KRT6C: variants seen among roughly 807,000 people sequenced by gnomAD.
KRT6C encodes the protein keratin 6C, also known as keratin, type II cytoskeletal 6C.
In KRT6C, 46 loss-of-function variants were observed where a neutral mutation model predicts 49.4. That is an observed-to-expected ratio of 0.93 (90% CI 0.74 to 1.19). KRT6C has a LOEUF of 1.19. Ranked by LOEUF, KRT6C falls within the 50% of genes most tolerant of loss-of-function variation. The probability of loss-of-function intolerance (pLI) is 0.00; values close to 1 mark genes in which losing one functional copy is unlikely to be tolerated. For synonymous variants in KRT6C, 236 were observed against 297.1 expected (o/e 0.79, Z 2.12); for missense variants, 552 against 737.5 (o/e 0.75, Z 2.91).
At position 52,469,784 on chromosome 12, in the gene KRT6C, G is replaced by C; in HGVS notation, c.1310C>G (p.Ala437Gly). The change falls in exon 7 of 9, where the codon GCC becomes GGC. Residue 437 changes from alanine to glycine, a missense_variant. Coordinates refer to ENST00000252250, the MANE Select transcript of KRT6C (RefSeq NM_173086.5). Reference sequence around the variant, plus strand: ...CAGCAGCCGGGCCAGGTCCTGCTTGGCCTTCTGCAGGGCATCCTCCAGCCC... The same window carrying C: ...CAGCAGCCGGGCCAGGTCCTGCTTGCCCTTCTGCAGGGCATCCTCCAGCCC... ...LEGLEDALQK[A>G]KQDLARLLKE... 1.9e-6 allele frequency: 3 copies of C among 1,614,092 alleles called. No individual in the cohort carries two copies. Among genetic ancestry groups the C allele is most frequent in the Non-Finnish European group, 2.5e-6 (3 of 1,179,986 alleles).
In KRT6C at chr12:52,469,414, C is replaced by T. The variant is rs11540298; in HGVS notation, c.1456G>A (p.Val486Ile). ...GAAGGCAAGCAAAGGTACTTACAGA[C>T]GTTGACTTGTCCAACGCCTTCGCCA... Reference protein sequence around the residue: ...LNGEGVGQVNVSVVQSTISSG... With the variant: ...LNGEGVGQVNISVVQSTISSG... Residue 486 changes from valine (V) to isoleucine (I), a missense_variant, in exon 8 of 9, where the codon GTC becomes ATC. Val to Ile is a conservative substitution (Grantham distance 29). This residue lies in a region of KRT6C where 425 missense variants were observed against 439.4 expected (regional missense o/e 0.97). Transcript: ENST00000252250. 2.8e-4 allele frequency: 458 copies of T among 1,613,908 alleles called. 2 individuals carry two copies. Among genetic ancestry groups the T allele is most frequent in the African/African-American group, 1.7e-3 (126 of 75,024 alleles).
chr12:52,471,277 G>A lies in KRT6C; in HGVS notation c.932C>T (p.Thr311Ile). Reference sequence around the variant, plus strand: ...CACCACGGATGTGTCTGAGATGTGGGTCTGCATCTGGGACAGCTCCTGCAG... The same window carrying A: ...CACCACGGATGTGTCTGAGATGTGGATCTGCATCTGGGACAGCTCCTGCAG... ...LYDAELSQMQ[T>I]HISDTSVVLS... Residue 311 changes from threonine to isoleucine, a missense_variant, in exon 5 of 9, where the codon ACC becomes ATC. By Grantham distance (89) the Thr-to-Ile change is moderately conservative. Around this residue, in one of 3 missense-constraint regions of KRT6C, gnomAD observed 425 missense variants for 439.4 expected, o/e 0.97. Transcript: ENST00000252250. 3 of 1,614,186 alleles carry A rather than the reference G, an allele frequency of 1.9e-6. No individual in the cohort carries two copies. The highest frequency in any genetic ancestry group is 2.5e-6 in the Non-Finnish European group (3 of 1,180,032).
Position 52,469,254 on chromosome 12 carries a change from G to T in KRT6C, c.1503C>A (p.Ser501Arg). The change falls in exon 9 of 9, where the codon AGC (serine) becomes AGA (arginine). Residue 501 changes from serine (S) to arginine (R), a missense_variant. Around this residue, in one of 3 missense-constraint regions of KRT6C, gnomAD observed 425 missense variants for 439.4 expected, o/e 0.97. Coordinates refer to ENST00000252250, the MANE Select transcript of KRT6C (RefSeq NM_173086.5). The part of the protein sequence containing the change: ...STISSGYGGA[S>R]GVGSGLGLGG... ...CCAGGCCTAAGCCACTGCCGACACCGCTGGCACCGCCATAGCCACTGGAGA... is the reference window on the plus strand; with the variant it reads ...CCAGGCCTAAGCCACTGCCGACACCTCTGGCACCGCCATAGCCACTGGAGA... 6.2e-7 allele frequency: 1 copy of T among 1,613,464 alleles called. No individual in the cohort carries two copies. The highest frequency in any genetic ancestry group is 1.3e-5 in the African/African-American group (1 of 75,008).
At position 52,471,451 on chromosome 12, in the gene KRT6C, C is replaced by G. The variant is rs377509241; in HGVS notation, c.882G>C (p.Glu294Asp). The G allele has an allele frequency of 1.2e-6, 2 of 1,613,922 alleles. No homozygotes were observed. The highest frequency in any genetic ancestry group is 1.7e-6 in the Non-Finnish European group (2 of 1,179,886). ...CATACAAGGCTCTCAGGAAGTTGAT[C>G]TCATCTGTGAGAGTGTCTGCCTTGG... ...LQAKADTLTD[E>D]INFLRALYDA... Residue 294 changes from glutamate (E) to aspartate (D), a missense_variant, in exon 4 of 9, where the codon GAG becomes GAC. Coordinates refer to ENST00000252250, the MANE Select transcript of KRT6C (RefSeq NM_173086.5).
chr12:52,473,746 G>T lies in KRT6C; in HGVS notation c.-9C>A. ...GTGGATGTGCTGGCCATGGTTCCAG[G>T]AGATGAGAGGGCTGTGGCGAGCGTT... On this transcript the variant is annotated 5_prime_UTR_variant, in exon 1 of 9. Transcript: ENST00000252250. 1 of 1,614,114 alleles carries T rather than the reference G, an allele frequency of 6.2e-7. No individual in the cohort carries two copies. Among genetic ancestry groups the T allele is most frequent in the East Asian group, 2.2e-5 (1 of 44,868 alleles).
rs11170142 is a variant in KRT6C, at chr12:52,469,436, G to A, written c.1434C>T (p.Gly478=). 8.5e-4 allele frequency: 1,366 copies of A among 1,613,948 alleles called. 32 individuals are homozygous for A. In the East Asian group the frequency reaches 0.027, roughly 32 times the overall value. The change falls in exon 8 of 9, where the codon GGC becomes GGT. Residue 478 remains glycine (G), a synonymous_variant. Transcript: ENST00000252250. ...AGACGTTGACTTGTCCAACGCCTTC[G>A]CCATTCAGCCTGTGGAGAGGAACAC... ...LLEGEECRLN[G]EGVGQVNVSV...
At chr12:52,471,100 G>T in intron 5 of KRT6C, 32 bp downstream of exon 5, 1 of 1,614,174 alleles carries the variant, frequency 6.2e-7, no homozygotes, top group Non-Finnish European at 8.5e-7. Context: ...TGGACACAAG[G>T]ATTCCTCAGC....
chr12:52,470,908 A>G (rs1376458727), intron 5 of KRT6C, among the ~76,000 whole-genome samples: 3 of 152,172 alleles, frequency 2.0e-5, no homozygotes, highest in Non-Finnish European at 4.4e-5. Flanking sequence ...AAATGCAGAG[A>G]TGACTATGTC....
At chr12:52,469,474 A>C (rs1205723411) in intron 7 of KRT6C, 29 bp from the exon 8 acceptor site, 1 of 1,613,834 alleles carries the variant, frequency 6.2e-7, no homozygotes, top group Non-Finnish European at 8.5e-7. Flanking sequence ...GGAGGGTGAG[A>C]CCTCAGAGAG....
At position 52,471,135 on chromosome 12, in the gene KRT6C, G is replaced by A; in HGVS notation, c.1074C>T (p.Thr358=). Residue 358 remains threonine, a synonymous_variant, in exon 5 of 9, where the codon ACC becomes ACT. Transcript: ENST00000252250. ...CAGCTGCCCACTCCCTGCTCACCTT[G>A]GTCTGGTACCAGGACTCAGCCTCAG... ...SRAEAESWYQ[T]KYEELQVTAG... The A allele has an allele frequency of 6.2e-7, 1 of 1,614,094 alleles. No individual in the cohort carries two copies. The highest frequency in any genetic ancestry group is 8.5e-7 in the Non-Finnish European group (1 of 1,180,018).
rs1488779769 is a variant in KRT6C, at chr12:52,473,120, G to A, written c.540+78C>T. On this transcript the variant is annotated intron_variant, in intron 1 of 8. Transcript: ENST00000252250. ...GAATCCCCTTCTCCCTCCCTCCTAG[G>A]TCTCCCTAGCAGGAAGGTGTTGCTC... 201 of 1,381,150 alleles carry A rather than the reference G, an allele frequency of 1.5e-4. 58 individuals carry two copies. The highest frequency in any genetic ancestry group is 1.9e-4 in the Non-Finnish European group (187 of 996,134). The allele number at this position is 1,381,150 out of a possible 1,614,324, so 85.6% of individuals were successfully genotyped here. A position where few individuals can be genotyped will look rare whatever the true frequency, so the allele number is the denominator to read the frequency against.
chr12:52,469,253 C>G lies in KRT6C; in HGVS notation c.1504G>C (p.Gly502Arg), dbSNP rs534029470. Residue 502 changes from glycine to arginine, a missense_variant, in exon 9 of 9, where the codon GGT becomes CGT. Gly to Arg is a moderately radical substitution (Grantham distance 125, BLOSUM62 -2). Coordinates refer to ENST00000252250, the MANE Select transcript of KRT6C (RefSeq NM_173086.5). ...CCCAGGCCTAAGCCACTGCCGACAC[C>G]GCTGGCACCGCCATAGCCACTGGAG... is the stretch of plus-strand genomic sequence containing the variant. ...TISSGYGGAS[G>R]VGSGLGLGGG... 4 of 1,613,654 alleles carry G rather than the reference C, an allele frequency of 2.5e-6. No individual in the cohort carries two copies. The highest frequency in any genetic ancestry group is 3.4e-6 in the Non-Finnish European group (4 of 1,179,756).
At chr12:52,471,032 C>G in intron 5 of KRT6C, 100 bp downstream of exon 5, 1 of 1,600,098 alleles carries the variant, frequency 6.2e-7, no homozygotes. Context: ...TGAGAGGACC[C>G]CAGCTTCCTG....
rs757893020 is a variant in KRT6C at position 52,473,755 on chromosome 12, G to A, written c.-18C>T. 5.0e-6 allele frequency: 8 copies of A among 1,614,048 alleles called. No individual in the cohort carries two copies. The South Asian group carries it at 6.6e-5, about 13-fold the overall frequency. On this transcript the variant is annotated 5_prime_UTR_variant, in exon 1 of 9. Coordinates refer to ENST00000252250, the MANE Select transcript of KRT6C (RefSeq NM_173086.5). ...CTGGCCATGGTTCCAGGAGATGAGAGGGCTGTGGCGAGCGTTGGAGGCTGG... is the reference window on the plus strand; with the variant it reads ...CTGGCCATGGTTCCAGGAGATGAGAAGGCTGTGGCGAGCGTTGGAGGCTGG...
At position 52,471,304 on chromosome 12, in the gene KRT6C, A is replaced by G. The variant is rs1937876813; in HGVS notation, c.913-8T>C. 1 of 1,614,214 alleles carries G rather than the reference A, an allele frequency of 6.2e-7. No individual in the cohort carries two copies. Among genetic ancestry groups the G allele is most frequent in the Non-Finnish European group, 8.5e-7 (1 of 1,180,038 alleles). ...CTGCATCTGGGACAGCTCCTGCAGAACAGAAGGTCATAAGATCAACTTCAC... is the reference window on the plus strand; with the variant it reads ...CTGCATCTGGGACAGCTCCTGCAGAGCAGAAGGTCATAAGATCAACTTCAC... On this transcript the variant is annotated splice_polypyrimidine_tract_variant and splice_region_variant and intron_variant, in intron 4 of 8. Transcript: ENST00000252250.
At chr12:52,471,803 C>T (rs1937890507) in intron 2 of KRT6C, 71 bp from the exon 3 acceptor site, 16 of 1,538,634 alleles carry the variant, frequency 1.0e-5, no homozygotes, top group Non-Finnish European at 1.4e-5. Flanking sequence ...GCTTGGGATT[C>T]AACAATTTCC....
In KRT6C at chr12:52,470,563, G is replaced by T. The variant is rs1458961135; in HGVS notation, c.1145C>A (p.Ala382Asp). The T allele has an allele frequency of 1.2e-6, 2 of 1,614,112 alleles. No homozygotes were observed. Among genetic ancestry groups the T allele is most frequent in the Middle Eastern group, 3.3e-4 (2 of 6,062 alleles). The part of the protein sequence containing the change: ...DDLRNTKQEI[A>D]EINRMIQRLR... ...CCTCTGGATCATGCGGTTGATCTCA[G>T]CAATCTCCTGCTTGGTGTTGCGCAG... Residue 382 changes from alanine to aspartate, a missense_variant, in exon 6 of 9, where the codon GCT (alanine) becomes GAT (aspartate). Ala to Asp is a moderately radical substitution (Grantham distance 126). Around this residue, in one of 3 missense-constraint regions of KRT6C, gnomAD observed 425 missense variants for 439.4 expected, o/e 0.97. Coordinates refer to ENST00000252250, the MANE Select transcript of KRT6C (RefSeq NM_173086.5).
chr12:52,468,990 C>T lies in KRT6C; in HGVS notation c.*72G>A, dbSNP rs1052602840. 1.7e-5 allele frequency: 27 copies of T among 1,603,872 alleles called. No individual in the cohort carries two copies. Among genetic ancestry groups the T allele is most frequent in the Non-Finnish European group, 2.3e-5 (27 of 1,172,482 alleles). On this transcript the variant is annotated 3_prime_UTR_variant, in exon 9 of 9. Transcript: ENST00000252250. ...AGACTAGAGGCCAGGAGAGGATAGG[C>T]AACCTGAGGAGACGGCTCTGCAGCC...
At position 52,469,350 on chromosome 12, in the gene KRT6C, C is replaced by T. The variant is rs574787294; in HGVS notation, c.1460-53G>A. 5.8e-5 allele frequency: 93 copies of T among 1,613,968 alleles called. No homozygotes were observed. In the South Asian group the frequency reaches 8.3e-4, roughly 14 times the overall value. ...AGAAGCCACGGTGAGCTCATCCTGC[C>T]GGCCTGAGCCCAGTCAGAAGAGTGC... On this transcript the variant is annotated intron_variant, in intron 8 of 8. Transcript: ENST00000252250.
Sources: allele counts gnomAD v4.1 joint callset (sites outside exome capture counted in the v4.1 genomes callset), GRCh38; gene constraint gnomAD v4.1.1; regional missense constraint gnomAD v4.1.1; transcripts MANE v1.5; gene names NCBI Gene and HGNC (gene_info 2026-07-23, HGNC 2026-07-21).